Variants in RTKN2 observed in about 807,000 individuals in gnomAD.
RTKN2 encodes rhotekin 2, also known as rhotekin-2.
RTKN2 carries 69 observed loss-of-function variants against 71.5 expected under a neutral mutation model. The observed-to-expected ratio is 0.96, with a 90% confidence interval of 0.79 to 1.18. The LOEUF is 1.18. RTKN2 is among the 50% of genes most tolerant of loss of function. The probability of loss-of-function intolerance (pLI) is 0.00; values close to 1 mark genes in which losing one functional copy is unlikely to be tolerated. For missense variants in RTKN2, 724 were observed against 719.7 expected (o/e 1.01, Z -0.07); for synonymous variants, 236 against 236.5 (o/e 1.00, Z 0.02).
At chr10:62,200,024 C>T (rs1342792071) in intron 10 of RTKN2, among the ~76,000 whole-genome samples, 163 bp from the exon 11 acceptor site, 1 of 152,058 alleles carries the variant, frequency 6.6e-6, no homozygotes, top group African/African-American at 2.4e-5. Context: ...CTAATACTAT[C>T]CATAATTTCA....
intron 7 of RTKN2, among the ~76,000 whole-genome samples, 168 bp downstream of exon 7, chr10:62,223,070 G>A (rs1424309016): frequency 1.3e-5 from 2 of 152,084 alleles, no homozygotes; most frequent in East Asian, 1.9e-4. Flanking sequence ...TGTAGAGAAA[G>A]GAAAATAAAC....
chr10:62,227,667 G>A lies in RTKN2; in HGVS notation c.687-4335C>T, dbSNP rs1842058247. Among the ~76,000 whole-genome samples the A allele has an allele frequency of 2.0e-5, 3 of 152,160 alleles. No individual in the cohort carries two copies. In the South Asian group the frequency reaches 6.2e-4, roughly 31 times the overall value. ...CGAGCAGAGTCATGTGCTATGATCT[G>A]ACTTGTATCAAAATTAAATGATTCC... On this transcript the variant is annotated intron_variant, in intron 6 of 11. Coordinates refer to ENST00000373789, the MANE Select transcript of RTKN2 (RefSeq NM_145307.4).
intron 2 of RTKN2, among the ~76,000 whole-genome samples, chr10:62,246,339 A>G (rs1450976251): frequency 1.3e-5 from 2 of 152,100 alleles, no homozygotes; most frequent in African/African-American, 4.8e-5. Flanking sequence ...GATCATTTAT[A>G]TCTGTAAACA....
chr10:62,241,117 A>C, intron 4 of RTKN2, 25 bp downstream of exon 4: 1 of 1,348,014 alleles, frequency 7.4e-7, no homozygotes, highest in Non-Finnish European at 1.0e-6. Flanking sequence ...AAAACATTTC[A>C]ATTACAAATT....
At chr10:62,239,795 A>C (rs1364911449) in intron 4 of RTKN2, 30 bp from the exon 5 acceptor site, 10 of 1,009,334 alleles carry the variant, frequency 9.9e-6, no homozygotes, top group African/African-American at 1.6e-5. Flanking sequence ...ATATTAAGCA[A>C]CAATCCATGT....
intron 2 of RTKN2, among the ~76,000 whole-genome samples, chr10:62,247,241 T>C (rs1842496766): frequency 6.6e-6 from 1 of 151,978 alleles, no homozygotes; most frequent in Non-Finnish European, 1.5e-5. Flanking sequence ...ATATATTCAT[T>C]ATAATGCATC....
At chr10:62,201,641 C>G (rs1016862166) in intron 10 of RTKN2, among the ~76,000 whole-genome samples, 5 of 152,044 alleles carry the variant, frequency 3.3e-5, no homozygotes, top group African/African-American at 1.2e-4. Context: ...CTGTCACATT[C>G]TTAGAAAAAC....
At chr10:62,245,122 T>C (rs1049478200) in intron 3 of RTKN2, among the ~76,000 whole-genome samples, 2 of 152,164 alleles carry the variant, frequency 1.3e-5, no homozygotes, top group Non-Finnish European at 2.9e-5. Flanking sequence ...TGTATTCATT[T>C]CAATCTGTGG....
intron 9 of RTKN2, among the ~76,000 whole-genome samples, chr10:62,209,638 T>A (rs186560156): frequency 6.2e-4 from 95 of 152,248 alleles, no homozygotes; most frequent in African/African-American, 2.0e-3. Context: ...CCGATAGGCC[T>A]CAGAGTGTGT....
rs1841285681 is a variant in RTKN2, at chr10:62,194,589, T to C, written c.*3319A>G. On this transcript the variant is annotated 3_prime_UTR_variant, in exon 12 of 12. Coordinates refer to ENST00000373789, the MANE Select transcript of RTKN2 (RefSeq NM_145307.4). ...GGTGCAATGCAGTACTCTGTCCATGTAGTATAGTTGTGCCTCATTCGTGGT... is the reference window on the plus strand; with the variant it reads ...GGTGCAATGCAGTACTCTGTCCATGCAGTATAGTTGTGCCTCATTCGTGGT... 2.0e-6 allele frequency: 2 copies of C among 985,324 alleles called. No individual in the cohort carries two copies. The highest frequency in any genetic ancestry group is 1.2e-4 in the Admixed American group (2 of 16,254). 61.0% of individuals were successfully genotyped at this position (985,324 alleles called of 1,614,324 possible).
intron 6 of RTKN2, among the ~76,000 whole-genome samples, chr10:62,232,315 CTTT>C (rs56139482): frequency 3.8e-4 from 44 of 117,148 alleles, no homozygotes; most frequent in Admixed American, 6.1e-4. Flanking sequence ...TTCTTTCTTT[CTTT>C]TTTTTTTTTT....
intron 2 of RTKN2, among the ~76,000 whole-genome samples, chr10:62,261,186 G>A (rs550119229): frequency 6.6e-6 from 1 of 152,208 alleles, no homozygotes; most frequent in Non-Finnish European, 1.5e-5. Context: ...CAATTTCATT[G>A]TATAATGCTG....
rs537126686 is a variant in RTKN2 at position 62,195,279 on chromosome 10, T to A, written c.*2629A>T. 2.6e-5 allele frequency: 26 copies of A among 984,750 alleles called. No homozygotes were observed. In the South Asian group the frequency reaches 1.0e-3, roughly 39 times the overall value. 61.0% of individuals were successfully genotyped at this position (984,750 alleles called of 1,614,324 possible). ...GTTTCAAGTTTATAGTCTTCATATA[T>A]CAAGAAACAAATTAAAAGGACAAAC... On this transcript the variant is annotated 3_prime_UTR_variant, in exon 12 of 12. Coordinates refer to ENST00000373789, the MANE Select transcript of RTKN2 (RefSeq NM_145307.4).
chr10:62,245,862 G>C, intron 3 of RTKN2, 137 bp downstream of exon 3: 3 of 601,228 alleles, frequency 5.0e-6, no homozygotes, highest in Non-Finnish European at 5.9e-6. Context: ...GCTAAAAACA[G>C]TGTTTTAGAA....
At chr10:62,192,735 G>A (rs1262912139), downstream of RTKN2, among the ~76,000 whole-genome samples, 1 of 152,172 alleles carries the variant, frequency 6.6e-6, no homozygotes, top group African/African-American at 2.4e-5. Context: ...AGCTAAGAGT[G>A]ACCCCTAGCC....
intron 10 of RTKN2, among the ~76,000 whole-genome samples, chr10:62,202,204 T>A (rs934341827): frequency 2.6e-5 from 4 of 152,102 alleles, no homozygotes; most frequent in Admixed American, 1.3e-4. Flanking sequence ...AGCTATTACA[T>A]CCCCCTTGCC....
downstream of RTKN2, among the ~76,000 whole-genome samples, chr10:62,190,221 A>G (rs180998028): frequency 6.6e-6 from 1 of 152,302 alleles, no homozygotes; most frequent in African/African-American, 2.4e-5. Flanking sequence ...AAGAGTTTGG[A>G]GGCTAGTCTG....
intron 2 of RTKN2, among the ~76,000 whole-genome samples, chr10:62,258,408 GATCT>G (rs1436854856): frequency 6.6e-6 from 1 of 152,174 alleles, no homozygotes; most frequent in African/African-American, 2.4e-5. Context: ...TTTGAGTGAA[GATCT>G]ATTAGAAAAG....
At chr10:62,218,044 C>G (rs1841815249) in intron 8 of RTKN2, 151 bp downstream of exon 8, 3 of 544,356 alleles carry the variant, frequency 5.5e-6, no homozygotes, top group South Asian at 2.6e-5. Context: ...CCCCGCACCC[C>G]CTACAGTTTA....
Sources: gnomAD v4.1 joint callset for allele counts (sites outside exome capture counted in the v4.1 genomes callset) on GRCh38, gnomAD v4.1.1 for gene constraint, MANE v1.5 for transcripts, NCBI Gene and HGNC (gene_info 2026-07-23, HGNC 2026-07-21) for gene names.